The following SORCS3 variants were observed in gnomAD, a reference collection of about 807,000 sequenced individuals.
SORCS3 encodes the protein sortilin related VPS10 domain containing receptor 3.
Under a neutral mutation model 146.3 loss-of-function variants are expected in SORCS3, and 57 were observed. The ratio of observed to expected loss-of-function variants is 0.39; its 90% CI spans 0.31 to 0.49. SORCS3 has a LOEUF of 0.49. Among genes scored for constraint, SORCS3 ranks in the 20% least tolerant of loss-of-function variants. The pLI is 0.92. For missense variants in SORCS3, 1,341 were observed against 1,575.5 expected, an observed-to-expected ratio of 0.85 and a Z score of 2.52; for synonymous variants, 653 against 618.5, an observed-to-expected ratio of 1.06 and a Z score of -0.83.
At chr10:104,809,691 G>C (rs1333810492) in intron 1 of SORCS3, among the ~76,000 whole-genome samples, 5 of 152,198 alleles carry the variant, frequency 3.3e-5, no homozygotes, top group South Asian at 4.1e-4. Flanking sequence ...TTATAGTTTA[G>C]AGCACATCTT....
At chr10:104,856,033 C>T (rs527851194) in intron 2 of SORCS3, among the ~76,000 whole-genome samples, 63 of 152,250 alleles carry the variant, frequency 4.1e-4, no homozygotes, top group African/African-American at 1.5e-3. Context: ...CCACCATGCC[C>T]AGCCATGCTT....
At chr10:104,873,955 G>C (rs936286954) in intron 2 of SORCS3, among the ~76,000 whole-genome samples, 42 of 152,236 alleles carry the variant, frequency 2.8e-4, no homozygotes, top group African/African-American at 9.9e-4. Context: ...CTATTCATCT[G>C]CTCCACTAAG....
At chr10:104,668,404 C>A (rs1306560354) in intron 1 of SORCS3, among the ~76,000 whole-genome samples, 1 of 151,996 alleles carries the variant, frequency 6.6e-6, no homozygotes, top group Non-Finnish European at 1.5e-5. Flanking sequence ...TAATTAAGAC[C>A]ACAGGGTTTG....
intron 1 of SORCS3, among the ~76,000 whole-genome samples, chr10:104,673,330 GCCC>G (rs968924584): frequency 3.4e-4 from 51 of 151,638 alleles, no homozygotes; most frequent in African/African-American, 1.1e-3. Context: ...CAGCTTTTTT[GCCC>G]CCCATTTCCT....
chr10:104,707,420 G>A (rs142899445), intron 1 of SORCS3, among the ~76,000 whole-genome samples: 16 of 152,240 alleles, frequency 1.1e-4, no homozygotes, highest in African/African-American at 3.9e-4. Flanking sequence ...TGCTATGGGG[G>A]CACTTTTTGG....
At chr10:104,696,433 G>T (rs368862652) in intron 1 of SORCS3, among the ~76,000 whole-genome samples, 4 of 33,124 alleles carry the variant, frequency 1.2e-4, no homozygotes, top group African/African-American at 2.8e-4. Flanking sequence ...ATATAATATA[G>T]AATATATAAT....
At chr10:104,925,028 G>A (rs968179121) in intron 3 of SORCS3, among the ~76,000 whole-genome samples, 2 of 152,120 alleles carry the variant, frequency 1.3e-5, no homozygotes, top group African/African-American at 4.8e-5. Flanking sequence ...TTTAAGCCCT[G>A]GCTGCATTAG....
chr10:105,139,116 G>A (rs1216188584), intron 7 of SORCS3, among the ~76,000 whole-genome samples: 1 of 152,216 alleles, frequency 6.6e-6, no homozygotes. Flanking sequence ...TACTAGGTAT[G>A]TGCCATGTGC....
intron 2 of SORCS3, among the ~76,000 whole-genome samples, chr10:104,884,036 A>C (rs2018657721): frequency 6.6e-6 from 1 of 151,924 alleles, no homozygotes; most frequent in South Asian, 2.1e-4. Context: ...TGGTACAGCC[A>C]CCTGTAGCAA....
At chr10:105,215,596 A>G (rs147357055) in intron 18 of SORCS3, among the ~76,000 whole-genome samples, 1 of 152,328 alleles carries the variant, frequency 6.6e-6, no homozygotes, top group East Asian at 1.9e-4. Flanking sequence ...GGGAGTTTCC[A>G]GGACCACAGC....
chr10:105,111,925 A>G lies in SORCS3; in HGVS notation c.1212+6410A>G, dbSNP rs765680982. Among the ~76,000 whole-genome samples, 15 of 152,220 alleles carry G rather than the reference A, an allele frequency of 9.9e-5. No homozygotes were observed. The East Asian group carries it at 1.5e-3, about 16-fold the overall frequency. ...AAAGTTAAGGAAATAAGTGAACACA[A>G]TGTACCAGGACCTCTTATATAAGGG... On this transcript the variant is annotated intron_variant, in intron 7 of 26. Coordinates refer to ENST00000369701, the MANE Select transcript of SORCS3 (RefSeq NM_014978.3).
At chr10:105,250,540 G>A (rs1446634441) in intron 22 of SORCS3, among the ~76,000 whole-genome samples, 8 of 152,124 alleles carry the variant, frequency 5.3e-5, no homozygotes, top group African/African-American at 2.4e-5. Flanking sequence ...GGGCCTTGGT[G>A]GACTGACACT....
chr10:105,227,740 A>G (rs973449897), intron 20 of SORCS3, among the ~76,000 whole-genome samples: 2 of 152,080 alleles, frequency 1.3e-5, no homozygotes, highest in Admixed American at 6.5e-5. Flanking sequence ...GGGTGCATAT[A>G]TGTTTAGAAT....
intron 4 of SORCS3, among the ~76,000 whole-genome samples, chr10:104,990,547 G>A (rs1434809299): frequency 6.6e-6 from 1 of 151,980 alleles, no homozygotes; most frequent in Non-Finnish European, 1.5e-5. Flanking sequence ...ATTACCCTTT[G>A]ACATTTCTAT....
chr10:105,143,513 T>A (rs573638842), intron 8 of SORCS3, among the ~76,000 whole-genome samples: 3 of 152,214 alleles, frequency 2.0e-5, no homozygotes, highest in Non-Finnish European at 4.4e-5. Flanking sequence ...CTGCACTTTA[T>A]AGTTCTTATA....
At chr10:104,654,694 A>C (rs2015603981) in intron 1 of SORCS3, among the ~76,000 whole-genome samples, 2 of 152,222 alleles carry the variant, frequency 1.3e-5, no homozygotes, top group South Asian at 4.1e-4. Context: ...AGGTTACTTG[A>C]TGCTTTTGTA....
chr10:105,075,512 C>T (rs2055583170), intron 5 of SORCS3, among the ~76,000 whole-genome samples: 1 of 152,128 alleles, frequency 6.6e-6, no homozygotes, highest in Admixed American at 6.5e-5. Flanking sequence ...TCTGGCAGCA[C>T]AGGGATGTTC....
chr10:105,026,901 C>G (rs1362368800), intron 4 of SORCS3, among the ~76,000 whole-genome samples: 1 of 152,126 alleles, frequency 6.6e-6, no homozygotes, highest in African/African-American at 2.4e-5. Context: ...TGGGTGATGG[C>G]TTCAATTGTA....
intron 9 of SORCS3, among the ~76,000 whole-genome samples, chr10:105,152,504 A>G (rs1463004594): frequency 6.6e-6 from 1 of 152,194 alleles, no homozygotes; most frequent in East Asian, 1.9e-4. Context: ...CTCAATTTAT[A>G]TGCTAAATTT....
Sources: gnomAD v4.1 joint callset for allele counts (sites outside exome capture counted in the v4.1 genomes callset) on GRCh38, gnomAD v4.1.1 for gene constraint, MANE v1.5 for transcripts, NCBI Gene and HGNC (gene_info 2026-07-23, HGNC 2026-07-21) for gene names.